ZNF521: variants seen among roughly 807,000 people sequenced by gnomAD.
ZNF521 encodes LYST-interacting protein 3.
Under a neutral mutation model 105.5 loss-of-function variants are expected in ZNF521, and 14 were observed. The ratio of observed to expected loss-of-function variants is 0.13; its 90% CI spans 0.09 to 0.21. ZNF521 has a LOEUF of 0.21. Ranked by LOEUF, ZNF521 falls within the 10% of genes least tolerant of loss-of-function variation. The probability of loss-of-function intolerance (pLI) is 1.00; values close to 1 mark genes in which losing one functional copy is unlikely to be tolerated. For missense variants in ZNF521, 1,233 were observed against 1,629.7 expected (o/e 0.76, Z 4.19); for synonymous variants, 635 against 606.0 (o/e 1.05, Z -0.70).
chr18:25,310,944 A>C (rs1315188525), intron 3 of ZNF521, among the ~76,000 whole-genome samples: 2 of 152,174 alleles, frequency 1.3e-5, no homozygotes, highest in African/African-American at 4.8e-5. Flanking sequence ...TTCATTCTAC[A>C]ATTCACCCAG....
chr18:25,285,276 G>T (rs985888741), intron 3 of ZNF521, among the ~76,000 whole-genome samples: 1 of 152,280 alleles, frequency 6.6e-6, no homozygotes, highest in South Asian at 2.1e-4. Context: ...CAGGCATTCG[G>T]AGAGAACCCC....
intron 3 of ZNF521, among the ~76,000 whole-genome samples, chr18:25,246,241 T>TA (rs201637663): frequency 4.2e-4 from 63 of 150,144 alleles, no homozygotes; most frequent in Non-Finnish European, 7.4e-4. Flanking sequence ...ATAAATAAAG[T>TA]AAAAAAAAAG....
At chr18:25,275,080 C>CA (rs1458993245) in intron 3 of ZNF521, among the ~76,000 whole-genome samples, 2 of 151,968 alleles carry the variant, frequency 1.3e-5, no homozygotes, top group Non-Finnish European at 2.9e-5. Context: ...AAAATATTGC[C>CA]AAAAAAACTT....
At chr18:25,067,145 C>G (rs556171830) in intron 7 of ZNF521, among the ~76,000 whole-genome samples, 1 of 151,914 alleles carries the variant, frequency 6.6e-6, no homozygotes, top group African/African-American at 2.4e-5. Flanking sequence ...AATTGCAAAC[C>G]ATTAATCCCA....
chr18:25,313,137 C>T (rs66794444), intron 3 of ZNF521, among the ~76,000 whole-genome samples: 9,698 of 152,214 alleles, frequency 0.064, 453 homozygotes, highest in Non-Finnish European at 0.086. Context: ...CTAACCAGAC[C>T]TTCCTGAGAG....
intron 4 of ZNF521, among the ~76,000 whole-genome samples, chr18:25,206,170 A>AT (rs530377651): frequency 1.5e-3 from 220 of 150,960 alleles, no homozygotes; most frequent in Non-Finnish European, 2.0e-3. Flanking sequence ...CGCCCAGCTA[A>AT]TTTTTTTTTG....
intron 2 of ZNF521, among the ~76,000 whole-genome samples, chr18:25,346,754 A>C (rs766467874): frequency 6.6e-6 from 1 of 152,214 alleles, no homozygotes; most frequent in African/African-American, 2.4e-5. Flanking sequence ...AAGTTAAACA[A>C]GGCACTTCTG....
chr18:25,251,715 C>A (rs1423746314), intron 3 of ZNF521, among the ~76,000 whole-genome samples: 2 of 152,200 alleles, frequency 1.3e-5, no homozygotes, highest in Non-Finnish European at 2.9e-5. Flanking sequence ...TACAGGCCAA[C>A]GTGGCAGCCG....
At chr18:25,211,811 A>T (rs1037304650) in intron 4 of ZNF521, among the ~76,000 whole-genome samples, 4 of 152,238 alleles carry the variant, frequency 2.6e-5, no homozygotes, top group Non-Finnish European at 5.9e-5. Context: ...AAGTGATAAA[A>T]ATATTCTTTT....
chr18:25,219,278 G>A (rs181110344), intron 4 of ZNF521, among the ~76,000 whole-genome samples: 4 of 152,306 alleles, frequency 2.6e-5, no homozygotes, highest in African/African-American at 9.6e-5. Context: ...ATGTTCAAGA[G>A]TCAACTGTAC....
At chr18:25,241,867 T>A (rs1165527593) in intron 3 of ZNF521, among the ~76,000 whole-genome samples, 1 of 152,212 alleles carries the variant, frequency 6.6e-6, no homozygotes, top group East Asian at 1.9e-4. Flanking sequence ...TTTATACTTT[T>A]TTCTTATTCT....
At chr18:25,198,416 T>G (rs887270293) in intron 4 of ZNF521, among the ~76,000 whole-genome samples, 5 of 151,784 alleles carry the variant, frequency 3.3e-5, no homozygotes, top group Non-Finnish European at 7.4e-5. Context: ...AAAAAATTAT[T>G]CTGATTAACC....
chr18:25,202,700 A>G (rs1324890806), intron 4 of ZNF521: 1 of 152,200 alleles, frequency 6.6e-6, no homozygotes, highest in African/African-American at 2.4e-5. Flanking sequence ...TTTTGTTGGC[A>G]AGCAAATGGA....
At chr18:25,193,913 A>AC (rs1333433018) in intron 5 of ZNF521, among the ~76,000 whole-genome samples, 2 of 151,732 alleles carry the variant, frequency 1.3e-5, no homozygotes, top group Non-Finnish European at 3.0e-5. Context: ...ATAAGCAACA[A>AC]CCCCCCAGAA....
chr18:25,110,430 A>G (rs1168638490), intron 5 of ZNF521, among the ~76,000 whole-genome samples: 1 of 145,442 alleles, frequency 6.9e-6, no homozygotes, highest in Non-Finnish European at 1.5e-5. Flanking sequence ...GAATGAATGG[A>G]AGGCAGGAGA....
chr18:25,080,773 G>T (rs1177909331), intron 7 of ZNF521, among the ~76,000 whole-genome samples: 1 of 152,154 alleles, frequency 6.6e-6, no homozygotes, highest in Non-Finnish European at 1.5e-5. Flanking sequence ...ATAGTTAGAG[G>T]AAAGTTTGTA....
At chr18:25,169,315 C>A (rs367831771) in intron 5 of ZNF521, among the ~76,000 whole-genome samples, 6 of 152,172 alleles carry the variant, frequency 3.9e-5, no homozygotes, top group East Asian at 3.9e-4. Context: ...CATGAAAGTG[C>A]CCAGTACTGG....
chr18:25,131,710 G>A (rs1219544158), intron 5 of ZNF521, among the ~76,000 whole-genome samples: 3 of 152,054 alleles, frequency 2.0e-5, no homozygotes, highest in East Asian at 3.9e-4. Flanking sequence ...AGTAAACATC[G>A]GGAGGTGAAT....
intron 3 of ZNF521, among the ~76,000 whole-genome samples, chr18:25,245,548 T>C (rs1222172002): frequency 6.6e-6 from 1 of 152,202 alleles, no homozygotes; most frequent in African/African-American, 2.4e-5. Flanking sequence ...CCAATTGCTT[T>C]TGTAACTTGT....
Sources: allele counts gnomAD v4.1 joint callset (sites outside exome capture counted in the v4.1 genomes callset), GRCh38; gene constraint gnomAD v4.1.1; transcripts MANE v1.5; gene names NCBI Gene and HGNC (gene_info 2026-07-23, HGNC 2026-07-21).